JADE1: variants seen among roughly 807,000 people sequenced by gnomAD.
JADE1 encodes the protein protein Jade-1.
Under a neutral mutation model 81.8 loss-of-function variants are expected in JADE1, and 14 were observed. The ratio of observed to expected loss-of-function variants is 0.17; its 90% confidence interval spans 0.11 to 0.27. The LOEUF is 0.27. Ranked by LOEUF, JADE1 falls within the 10% of genes least tolerant of loss-of-function variation. The probability of loss-of-function intolerance (pLI) is 1.00; values close to 1 mark genes in which losing one functional copy is unlikely to be tolerated. For synonymous variants in JADE1, 353 were observed against 391.9 expected (o/e 0.90, Z 1.17); for missense variants, 690 against 1,047.9 (o/e 0.66, Z 4.71).
chr4:128,863,689 A>C (rs1405675814), intron 9 of JADE1: 1 of 985,400 alleles, frequency 1.0e-6, no homozygotes, highest in Non-Finnish European at 1.2e-6. Context: ...AGTGTAAAGA[A>C]GACTTTGCCT....
chr4:128,811,563 C>T (rs1726373743), intron 1 of JADE1, among the ~76,000 whole-genome samples: 1 of 137,510 alleles, frequency 7.3e-6, no homozygotes, highest in Non-Finnish European at 1.6e-5. Context: ...TGGGGGCGGG[C>T]GGCGGCCGAG....
intron 2 of JADE1, among the ~76,000 whole-genome samples, chr4:128,837,048 A>C (rs576117231): frequency 1.4e-3 from 219 of 152,310 alleles, no homozygotes; most frequent in African/African-American, 5.1e-3. Context: ...ATTTTCCTAA[A>C]GTTATAGAGC....
chr4:128,854,279 T>C (rs2125873367), intron 6 of JADE1, among the ~76,000 whole-genome samples: 1 of 152,306 alleles, frequency 6.6e-6, no homozygotes, highest in Middle Eastern at 3.4e-3. Flanking sequence ...TCACCTTTTC[T>C]CTTTTCCTCA....
In JADE1 at chr4:128,873,256, GAAAAAA is replaced by G. The variant is rs1296724284; in HGVS notation, c.*1005_*1010del. The G allele has an allele frequency of 7.0e-5, 2 of 28,694 alleles. No individual in the cohort carries two copies. The highest frequency in any genetic ancestry group is 1.5e-4 in the Non-Finnish European group (2 of 13,500). The allele number at this position is 28,694 out of a possible 1,614,324, so 1.8% of individuals were successfully genotyped here. A position where few individuals can be genotyped will look rare whatever the true frequency, so the allele number is the denominator to read the frequency against. The stretch of plus-strand genomic sequence containing the variant: ...CATGAATGGATTCCTTAAGAAAAAG[GAAAAAA>G]AAAAAAAAAAGAAAAAAAGAAAAAA... On this transcript the variant is annotated 3_prime_UTR_variant, in exon 11 of 11. Coordinates refer to ENST00000226319, the MANE Select transcript of JADE1 (RefSeq NM_199320.4).
intron 5 of JADE1, among the ~76,000 whole-genome samples, chr4:128,849,861 G>T (rs1730198603): frequency 6.6e-6 from 1 of 152,140 alleles, no homozygotes; most frequent in Non-Finnish European, 1.5e-5. Flanking sequence ...TTGCCTTGAG[G>T]GTCTTGATGA....
chr4:128,846,928 T>C lies in JADE1; in HGVS notation c.296+396T>C, dbSNP rs1327556531. Among the ~76,000 whole-genome samples, 1 of 152,222 alleles carries C rather than the reference T, an allele frequency of 6.6e-6. No individual in the cohort carries two copies. Among genetic ancestry groups the C allele is most frequent in the East Asian group, 1.9e-4 (1 of 5,188 alleles). ...TCTCCTGGAGAGAAGCATCTGGCTT[T>C]GTTGGGAACTAGCGCGGGCAGCTGC... On this transcript the variant is annotated intron_variant, in intron 4 of 10. Coordinates refer to ENST00000226319, the MANE Select transcript of JADE1 (RefSeq NM_199320.4). The surrounding 1 kb of genome is among the most constrained non-coding windows in gnomAD (Gnocchi z 4.0).
chr4:128,818,530 A>T (rs939728661), intron 1 of JADE1, among the ~76,000 whole-genome samples: 5 of 152,082 alleles, frequency 3.3e-5, no homozygotes, highest in African/African-American at 1.2e-4. Context: ...AACACGCATA[A>T]TGGTGGTTTA....
At chr4:128,812,147 G>T (rs1303507576) in intron 1 of JADE1, among the ~76,000 whole-genome samples, 4 of 151,946 alleles carry the variant, frequency 2.6e-5, no homozygotes, top group Admixed American at 2.0e-4. Flanking sequence ...ACTTTCAAAT[G>T]GAGAGGGCGG....
At chr4:128,823,591 C>G (rs1727770898) in intron 1 of JADE1, among the ~76,000 whole-genome samples, 1 of 152,072 alleles carries the variant, frequency 6.6e-6, no homozygotes, top group African/African-American at 2.4e-5. Flanking sequence ...TCTGTATTAG[C>G]TTGGGCCAGC....
At chr4:128,856,679 C>T (rs1323068978) in intron 7 of JADE1, among the ~76,000 whole-genome samples, 1 of 152,178 alleles carries the variant, frequency 6.6e-6, no homozygotes, top group African/African-American at 2.4e-5. Flanking sequence ...ATATAATTTG[C>T]TATTCAAATT....
chr4:128,809,902 G>C (rs1048028878), intron 1 of JADE1, 25 bp downstream of exon 1: 59 of 148,110 alleles, frequency 4.0e-4, no homozygotes, highest in African/African-American at 1.4e-3. Flanking sequence ...CGCGGGGGGC[G>C]CGCGGGGTGG....
Position 128,846,677 on chromosome 4 carries a change from G to A in JADE1, c.296+145G>A, listed in dbSNP as rs1729898911. ...TATCATGAGGCCTCAAGTGGAAATA[G>A]AAATTCAGGAGCAACATACTTCAGG... On this transcript the variant is annotated intron_variant, in intron 4 of 10. Coordinates refer to ENST00000226319, the MANE Select transcript of JADE1 (RefSeq NM_199320.4). The surrounding 1 kb of genome is among the most constrained non-coding windows in gnomAD (Gnocchi z 4.0). 2.4e-6 allele frequency: 2 copies of A among 847,330 alleles called. No homozygotes were observed. The highest frequency in any genetic ancestry group is 3.6e-6 in the Non-Finnish European group (2 of 560,066). 52.5% of individuals were successfully genotyped at this position (847,330 alleles called of 1,614,324 possible).
chr4:128,834,275 C>T (rs1444948271), intron 2 of JADE1, among the ~76,000 whole-genome samples: 3 of 152,164 alleles, frequency 2.0e-5, no homozygotes, highest in East Asian at 1.9e-4. Context: ...TGAGGCCTCT[C>T]GTGGTTTGCA....
intron 1 of JADE1, among the ~76,000 whole-genome samples, chr4:128,814,697 G>T (rs1726836673): frequency 6.6e-6 from 1 of 151,798 alleles, no homozygotes; most frequent in South Asian, 2.1e-4. Flanking sequence ...GAGTAGCTGG[G>T]ATTACAGGCT....
intron 6 of JADE1, among the ~76,000 whole-genome samples, chr4:128,855,345 T>A (rs1384320781): frequency 6.6e-6 from 1 of 152,236 alleles, no homozygotes; most frequent in Non-Finnish European, 1.5e-5. Context: ...TAAACCTTTC[T>A]GTCCTCAAGT....
Position 128,846,661 on chromosome 4 carries a change from G to A in JADE1, c.296+129G>A, listed in dbSNP as rs1729897628. 1 of 952,738 alleles carries A rather than the reference G, an allele frequency of 1.0e-6. No homozygotes were observed. Among genetic ancestry groups the A allele is most frequent in the Non-Finnish European group, 1.5e-6 (1 of 651,306 alleles). The allele number at this position is 952,738 out of a possible 1,614,324, so 59.0% of individuals were successfully genotyped here. A position where few individuals can be genotyped will look rare whatever the true frequency, so the allele number is the denominator to read the frequency against. ...TGAGTTAGCATTAAAATATCATGAG[G>A]CCTCAAGTGGAAATAGAAATTCAGG... is the stretch of plus-strand genomic sequence containing the variant. On this transcript the variant is annotated intron_variant, in intron 4 of 10. Coordinates refer to ENST00000226319, the MANE Select transcript of JADE1 (RefSeq NM_199320.4). The surrounding 1 kb of genome is among the most constrained non-coding windows in gnomAD (Gnocchi z 4.0).
At chr4:128,851,988 C>T (rs1455833730) in intron 5 of JADE1, 69 bp from the exon 6 acceptor site, 3 of 911,972 alleles carry the variant, frequency 3.3e-6, no homozygotes, top group Admixed American at 2.1e-5. Context: ...ATAAATAAAC[C>T]AGTACTATTT....
intron 9 of JADE1, chr4:128,863,278 T>C (rs1354935276): frequency 2.0e-6 from 2 of 985,432 alleles, no homozygotes; most frequent in African/African-American, 1.7e-5. Flanking sequence ...GGGATGCTTC[T>C]TAGAGCATCT....
At chr4:128,820,118 C>CTTTTT (rs869238548) in intron 1 of JADE1, among the ~76,000 whole-genome samples, 2 of 48,488 alleles carry the variant, frequency 4.1e-5, no homozygotes, top group African/African-American at 6.7e-5. Context: ...GGGAAGATTT[C>CTTTTT]TTTTTTTTTT....
Sources: allele counts gnomAD v4.1 joint callset (sites outside exome capture counted in the v4.1 genomes callset), GRCh38; gene constraint gnomAD v4.1.1; non-coding constraint Gnocchi (gnomAD v3.1); transcripts MANE v1.5; gene names NCBI Gene and HGNC (gene_info 2026-07-23, HGNC 2026-07-21).